Variants in KCNMA1 observed in about 807,000 individuals in gnomAD.
KCNMA1 encodes Calcium-activated potassium channel subunit alpha-1.
A neutral mutation model predicts 140.0 loss-of-function variants in KCNMA1; 29 were observed. The ratio of observed to expected loss-of-function variants is 0.21; its 90% confidence interval spans 0.15 to 0.28. The LOEUF is 0.28. Ranked by LOEUF, KCNMA1 falls within the 10% of genes least tolerant of loss-of-function variation. KCNMA1 has a pLI of 1.00. For synonymous variants in KCNMA1, 612 were observed against 611.9 expected, an observed-to-expected ratio of 1.00 and a Z score of 0.00; for missense variants, 880 against 1,602.2, an observed-to-expected ratio of 0.55 and a Z score of 7.70.
chr10:77,611,531 T>C (rs1304224748), intron 1 of KCNMA1, among the ~76,000 whole-genome samples: 2 of 152,246 alleles, frequency 1.3e-5, no homozygotes, highest in Non-Finnish European at 2.9e-5. Context: ...GAAGTGAGCA[T>C]TTCTGCTACA....
At chr10:77,448,650 C>T (rs1427733541) in intron 1 of KCNMA1, among the ~76,000 whole-genome samples, 2 of 152,082 alleles carry the variant, frequency 1.3e-5, no homozygotes, top group African/African-American at 2.4e-5. Context: ...CTTCTCCCTC[C>T]GTGTACTTCT....
intron 1 of KCNMA1, among the ~76,000 whole-genome samples, chr10:77,588,713 A>G (rs1349178545): frequency 1.3e-5 from 2 of 152,240 alleles, no homozygotes; most frequent in Non-Finnish European, 2.9e-5. Flanking sequence ...TTCTTTCTGT[A>G]GAGAGAAAAC....
intron 2 of KCNMA1, among the ~76,000 whole-genome samples, chr10:77,399,603 G>A (rs1454956317): frequency 6.6e-6 from 1 of 152,132 alleles, no homozygotes; most frequent in Non-Finnish European, 1.5e-5. Context: ...GCAAAGACAG[G>A]CTATTCTGAG....
chr10:77,074,621 G>A (rs2096327326), intron 13 of KCNMA1, among the ~76,000 whole-genome samples: 1 of 152,130 alleles, frequency 6.6e-6, no homozygotes, highest in African/African-American at 2.4e-5. Context: ...AAGACTGACT[G>A]GTATATATTC....
intron 19 of KCNMA1, among the ~76,000 whole-genome samples, chr10:76,973,564 T>C (rs2076682979): frequency 6.6e-6 from 1 of 152,208 alleles, no homozygotes; most frequent in African/African-American, 2.4e-5. Context: ...TTCAATGACA[T>C]AACCTCCAGA....
chr10:77,429,191 A>C (rs994675345), intron 1 of KCNMA1, among the ~76,000 whole-genome samples: 1 of 152,308 alleles, frequency 6.6e-6, no homozygotes, highest in South Asian at 2.1e-4. Context: ...TGGTATGCCA[A>C]GTTCGGAAGG....
At chr10:77,081,659 C>A (rs559745243) in intron 12 of KCNMA1, among the ~76,000 whole-genome samples, 2 of 152,156 alleles carry the variant, frequency 1.3e-5, no homozygotes, top group Non-Finnish European at 2.9e-5. Context: ...ATTCACCCTG[C>A]GTTTTTGCAC....
chr10:77,463,563 C>A (rs894921906), intron 1 of KCNMA1, among the ~76,000 whole-genome samples: 13 of 152,114 alleles, frequency 8.5e-5, no homozygotes, highest in African/African-American at 1.2e-4. Context: ...GGAGCACACG[C>A]TAAAAATACA....
chr10:77,633,182 GCGT>G (rs1470254579), intron 1 of KCNMA1, among the ~76,000 whole-genome samples: 2 of 152,178 alleles, frequency 1.3e-5, no homozygotes, highest in Admixed American at 1.3e-4. Context: ...AGGTGTGGCA[GCGT>G]GCGCCTGTAG....
At chr10:77,593,410 A>C (rs2079834226) in intron 1 of KCNMA1, among the ~76,000 whole-genome samples, 1 of 152,252 alleles carries the variant, frequency 6.6e-6, no homozygotes, top group Non-Finnish European at 1.5e-5. Context: ...GTAATGTATC[A>C]AATGAAATTG....
chr10:77,503,357 G>C (rs1336126862), intron 1 of KCNMA1, among the ~76,000 whole-genome samples: 1 of 151,930 alleles, frequency 6.6e-6, no homozygotes, highest in Non-Finnish European at 1.5e-5. Flanking sequence ...TAAAAAGACA[G>C]CATGCTCACC....
At chr10:77,110,922 C>T (rs2097305251) in intron 7 of KCNMA1, among the ~76,000 whole-genome samples, 1 of 152,186 alleles carries the variant, frequency 6.6e-6, no homozygotes, top group African/African-American at 2.4e-5. Context: ...AATGGTGGTC[C>T]CAGCCTTGAG....
At position 76,885,528 on chromosome 10, in the gene KCNMA1, G is replaced by A. The variant is rs202125089; in HGVS notation, c.*1738C>T. On this transcript the variant is annotated 3_prime_UTR_variant, in exon 28 of 28. Transcript: ENST00000286628. The stretch of plus-strand genomic sequence containing the variant: ...CCAAAACTATCATGCTTGAGGGGAC[G>A]GGGGATCCAAAATCTAAATCCAAAA... 91 of 985,086 alleles carry A rather than the reference G, an allele frequency of 9.2e-5. No individual in the cohort carries two copies. The highest frequency in any genetic ancestry group is 2.1e-4 in the African/African-American group (12 of 57,236). 61.0% of individuals were successfully genotyped at this position (985,086 alleles called of 1,614,324 possible).
At chr10:77,469,244 T>G (rs748403208) in intron 1 of KCNMA1, among the ~76,000 whole-genome samples, 1 of 152,148 alleles carries the variant, frequency 6.6e-6, no homozygotes, top group African/African-American at 2.4e-5. Context: ...CAGTTAGAGA[T>G]CCACACGCCA....
At chr10:77,146,128 T>G (rs904201112) in intron 5 of KCNMA1, among the ~76,000 whole-genome samples, 2 of 152,222 alleles carry the variant, frequency 1.3e-5, no homozygotes, top group Admixed American at 1.3e-4. Flanking sequence ...CTTGAGGAGC[T>G]GTTTACAATC....
chr10:77,202,362 C>T (rs763447469), intron 3 of KCNMA1, among the ~76,000 whole-genome samples: 15 of 152,128 alleles, frequency 9.9e-5, no homozygotes, highest in Non-Finnish European at 1.6e-4. Context: ...AAATGTAGGT[C>T]GTTAATGTAA....
chr10:77,490,827 C>G (rs2154540188), intron 1 of KCNMA1, among the ~76,000 whole-genome samples: 1 of 152,300 alleles, frequency 6.6e-6, no homozygotes, highest in South Asian at 2.1e-4. Flanking sequence ...ACCGAAATCT[C>G]TAGGACCACA....
intron 29 of KCNMA1, among the ~76,000 whole-genome samples, chr10:76,879,792 G>A (rs2033851355): frequency 6.6e-6 from 1 of 152,202 alleles, no homozygotes; most frequent in South Asian, 2.1e-4. Flanking sequence ...TGCATTTGTG[G>A]AAACCAATTT....
intron 1 of KCNMA1, among the ~76,000 whole-genome samples, chr10:77,526,725 AT>A (rs2055834256): frequency 1.3e-5 from 2 of 152,032 alleles, no homozygotes; most frequent in Middle Eastern, 3.4e-3. Context: ...AGTGTTATTC[AT>A]TTTTTTCTAC....
Sources: gnomAD v4.1 joint callset for allele counts (sites outside exome capture counted in the v4.1 genomes callset) on GRCh38, gnomAD v4.1.1 for gene constraint, MANE v1.5 for transcripts, NCBI Gene and HGNC (gene_info 2026-07-23, HGNC 2026-07-21) for gene names.